The following C14orf180 variants were observed in gnomAD, a reference collection of about 807,000 sequenced individuals.
The protein encoded by C14orf180 is chromosome 14 open reading frame 180, also known as nutritionally-regulated adipose and cardiac enriched protein homolog.
A neutral mutation model predicts 13.9 loss-of-function variants in C14orf180; 13 were observed. The ratio of observed to expected loss-of-function variants is 0.94; its 90% CI spans 0.61 to 1.49. The LOEUF (loss-of-function observed/expected upper bound fraction) is 1.49. C14orf180 is among the 40% of genes most tolerant of loss of function. The probability of loss-of-function intolerance (pLI) is 0.00; values close to 1 mark genes in which losing one functional copy is unlikely to be tolerated. For synonymous variants in C14orf180, 113 were observed against 106.3 expected, an observed-to-expected ratio of 1.06 and a Z score of -0.39; for missense variants, 238 against 232.0, an observed-to-expected ratio of 1.03 and a Z score of -0.17.
intron 1 of C14orf180, among the ~76,000 whole-genome samples, chr14:104,585,434 C>T (rs1454717976): frequency 1.3e-5 from 2 of 152,176 alleles, no homozygotes; most frequent in Admixed American, 1.3e-4. Flanking sequence ...GGAGGAGTGC[C>T]CAAAAGTCAA....
intron 1 of C14orf180, among the ~76,000 whole-genome samples, chr14:104,582,145 A>G (rs1442850088): frequency 6.6e-6 from 1 of 152,182 alleles, no homozygotes; most frequent in East Asian, 1.9e-4. Flanking sequence ...GGCTGTGGGC[A>G]AAAGGGCGGG....
In C14orf180 at chr14:104,588,693, A is replaced by G; in HGVS notation, c.393A>G (p.Ala131=). The G allele has an allele frequency of 6.5e-7, 1 of 1,535,582 alleles. No individual in the cohort carries two copies. Among genetic ancestry groups the G allele is most frequent in the South Asian group, 1.2e-5 (1 of 83,964 alleles). Residue 131 remains alanine, a synonymous_variant, in exon 5 of 5, where the codon GCA becomes GCG. Coordinates refer to ENST00000557649, the MANE Select transcript of C14orf180 (RefSeq NM_001008404.3). The part of the protein sequence containing the change: ...YCGRAKPVAT[A]LEDLRARLLG... Reference sequence around the variant, plus strand: ...GCCGGGCCAAGCCCGTGGCAACGGCACTGGAGGACCTGCGGGCCCGGCTCC... The same window carrying G: ...GCCGGGCCAAGCCCGTGGCAACGGCGCTGGAGGACCTGCGGGCCCGGCTCC...
chr14:104,582,761 G>A (rs1886481369), intron 1 of C14orf180, among the ~76,000 whole-genome samples: 1 of 152,342 alleles, frequency 6.6e-6, no homozygotes, highest in East Asian at 1.9e-4. Flanking sequence ...GTCCCCTCGG[G>A]TGGACGCGCC....
In C14orf180 at chr14:104,590,026, C is replaced by G. The variant is rs1886792508; in HGVS notation, c.*1243C>G. On this transcript the variant is annotated 3_prime_UTR_variant, in exon 5 of 5. Coordinates refer to ENST00000557649, the MANE Select transcript of C14orf180 (RefSeq NM_001008404.3). ...CCCCTGGGTCTTGAGGGATGCCCGGCCGGCTCCCTTTGCCCTGCAGTCAGG... is the reference window on the plus strand; with the variant it reads ...CCCCTGGGTCTTGAGGGATGCCCGGGCGGCTCCCTTTGCCCTGCAGTCAGG... 1 of 152,206 alleles carries G rather than the reference C, an allele frequency of 6.6e-6. No individual in the cohort carries two copies. Among genetic ancestry groups the G allele is most frequent in the Admixed American group, 6.5e-5 (1 of 15,290 alleles). 9.4% of individuals were successfully genotyped at this position (152,206 alleles called of 1,614,324 possible). A position where few individuals can be genotyped will look rare whatever the true frequency, so the allele number is the denominator to read the frequency against.
chr14:104,583,523 A>G (rs1886509969), intron 1 of C14orf180, among the ~76,000 whole-genome samples: 1 of 152,158 alleles, frequency 6.6e-6, no homozygotes, highest in Admixed American at 6.5e-5. Context: ...TGAGCAGACC[A>G]ACGCCCAGGC....
At chr14:104,585,479 T>G (rs1343508065) in intron 1 of C14orf180, among the ~76,000 whole-genome samples, 1 of 152,078 alleles carries the variant, frequency 6.6e-6, no homozygotes, top group East Asian at 1.9e-4. Flanking sequence ...AAATTCACAC[T>G]TGGGGGGCTC....
In C14orf180 at chr14:104,589,245, C is replaced by T. The variant is rs907625767; in HGVS notation, c.*462C>T. 333 of 230,472 alleles carry T rather than the reference C, an allele frequency of 1.4e-3. 1 individual carries two copies. Among genetic ancestry groups the T allele is most frequent in the Non-Finnish European group, 2.0e-3 (236 of 119,850 alleles). The allele number at this position is 230,472 out of a possible 1,614,324, so 14.3% of individuals were successfully genotyped here. A position where few individuals can be genotyped will look rare whatever the true frequency, so the allele number is the denominator to read the frequency against. On this transcript the variant is annotated 3_prime_UTR_variant, in exon 5 of 5. Transcript: ENST00000557649. This position sits in a 1 kb window ranked among gnomAD's most constrained non-coding sequence, Gnocchi z 4.9. Reference sequence around the variant, plus strand: ...TTTGCGATTATGGCTTGTGGGGAATCCAGACCTCGAAACCCCACGGGGAGG... The same window carrying T: ...TTTGCGATTATGGCTTGTGGGGAATTCAGACCTCGAAACCCCACGGGGAGG...
intron 2 of C14orf180, 42 bp from the exon 3 acceptor site, chr14:104,587,707 C>G: frequency 6.2e-7 from 1 of 1,605,488 alleles, no homozygotes. Context: ...CCAGCGGCCT[C>G]CCGCCGGGGA....
chr14:104,583,182 C>T (rs1297451172), intron 1 of C14orf180, among the ~76,000 whole-genome samples: 1 of 152,146 alleles, frequency 6.6e-6, no homozygotes, highest in African/African-American at 2.4e-5. Flanking sequence ...GGGAGCAGAG[C>T]GTGGCCCACG....
At chr14:104,582,319 C>T (rs570732358) in intron 1 of C14orf180, among the ~76,000 whole-genome samples, 65 of 152,334 alleles carry the variant, frequency 4.3e-4, no homozygotes, top group South Asian at 2.1e-3. Flanking sequence ...CCCGCCCCCA[C>T]GCCCCACTGC....
In C14orf180 at chr14:104,588,862, G is replaced by T. The variant is rs962955672; in HGVS notation, c.*79G>T. On this transcript the variant is annotated 3_prime_UTR_variant, in exon 5 of 5. Transcript: ENST00000557649. ...GGGCTCCGAGACAGCCTGAGCCCTG[G>T]CCCTGCTGCTTGGTGAATCATGGGG... 6.7e-7 allele frequency: 1 copy of T among 1,499,698 alleles called. No individual in the cohort carries two copies. Among genetic ancestry groups the T allele is most frequent in the Non-Finnish European group, 8.9e-7 (1 of 1,125,104 alleles). 92.9% of individuals were successfully genotyped at this position (1,499,698 alleles called of 1,614,324 possible).
rs1406057185 is a variant in C14orf180 at position 104,579,917 on chromosome 14, G to A, written c.-103G>A. The A allele has an allele frequency of 6.6e-6, 1 of 152,536 alleles. No individual in the cohort carries two copies. Among genetic ancestry groups the A allele is most frequent in the Non-Finnish European group, 1.5e-5 (1 of 68,278 alleles). 9.4% of individuals were successfully genotyped at this position (152,536 alleles called of 1,614,324 possible). ...GCCTGGGAGGGGTGCTGCCGGCCAA[G>A]AGGGTCCAGGACCTCACTGGACTGT... On this transcript the variant is annotated 5_prime_UTR_variant, in exon 1 of 5. Transcript: ENST00000557649.
Position 104,587,040 on chromosome 14 carries a change from G to A in C14orf180, c.111+499G>A, listed in dbSNP as rs369890613. On this transcript the variant is annotated intron_variant, in intron 2 of 4. Transcript: ENST00000557649. ...TCGCGGGGCAGCCTCGCCAGATGCC[G>A]AGCAGCAGGCTGTGTACAGCGAGCA... 1.1e-4 allele frequency among the ~76,000 whole-genome samples: 16 copies of A among 152,318 alleles called. No homozygotes were observed. The East Asian group carries it at 1.4e-3, about 13-fold the overall frequency.
Position 104,587,842 on chromosome 14 carries a change from G to A in C14orf180, c.205G>A (p.Val69Met), listed in dbSNP as rs1484525910. 18 of 1,610,630 alleles carry A rather than the reference G, an allele frequency of 1.1e-5. No individual in the cohort carries two copies. The highest frequency in any genetic ancestry group is 1.7e-5 in the Admixed American group (1 of 59,634). The stretch of plus-strand genomic sequence containing the variant: ...CAAGCCCCAGAGGACCTCGAGGCGC[G>A]TGTGGTTCCGAGAACCCCCAGCGGT... ...EAKPQRTSRR[V>M]WFREPPAVTV... Residue 69 changes from valine (V) to methionine (M), a missense_variant, in exon 3 of 5, where the codon GTG (valine) becomes ATG (methionine). Coordinates refer to ENST00000557649, the MANE Select transcript of C14orf180 (RefSeq NM_001008404.3).
intron 1 of C14orf180, among the ~76,000 whole-genome samples, chr14:104,584,231 C>G (rs1039394351): frequency 1.3e-4 from 20 of 152,326 alleles, no homozygotes; most frequent in Non-Finnish European, 2.8e-4. Context: ...CCCTGGAATG[C>G]TGCTGCAGGG....
At chr14:104,582,616 C>A (rs1344912804) in intron 1 of C14orf180, among the ~76,000 whole-genome samples, 1 of 152,180 alleles carries the variant, frequency 6.6e-6, no homozygotes, top group Non-Finnish European at 1.5e-5. Flanking sequence ...AGGCTGTTCT[C>A]CCTCTCTGGG....
intron 4 of C14orf180, 91 bp downstream of exon 4, chr14:104,588,400 C>T (rs1886712045): frequency 1.3e-6 from 2 of 1,578,774 alleles, no homozygotes; most frequent in Admixed American, 3.3e-5. Flanking sequence ...GTCACAGGGC[C>T]AGGGCCTCTA....
At chr14:104,583,753 G>A (rs1566735075) in intron 1 of C14orf180, among the ~76,000 whole-genome samples, 1 of 152,018 alleles carries the variant, frequency 6.6e-6, no homozygotes, top group Admixed American at 6.6e-5. Context: ...CACTGCCTAC[G>A]CCTGCACATT....
chr14:104,584,679 G>C (rs1354996103), intron 1 of C14orf180, among the ~76,000 whole-genome samples: 1 of 152,132 alleles, frequency 6.6e-6, no homozygotes, highest in Non-Finnish European at 1.5e-5. Flanking sequence ...GCCACTCTCT[G>C]AGAGCAGGTC....
Sources: gnomAD v4.1 joint callset for allele counts (sites outside exome capture counted in the v4.1 genomes callset) on GRCh38, gnomAD v4.1.1 for gene constraint, Gnocchi (gnomAD v3.1) non-coding constraint, MANE v1.5 for transcripts, NCBI Gene and HGNC (gene_info 2026-07-23, HGNC 2026-07-21) for gene names.